Variants in NRP1 observed in about 807,000 individuals in gnomAD.
NRP1 encodes the protein neuropilin-1.
A neutral mutation model predicts 106.7 loss-of-function variants in NRP1; 35 were observed. The ratio of observed to expected loss-of-function variants is 0.33; its 90% CI spans 0.25 to 0.43. The LOEUF is 0.43. Among genes scored for constraint, NRP1 ranks in the 20% least tolerant of loss-of-function variants. The pLI is 1.00. For synonymous variants in NRP1, 437 were observed against 417.9 expected, an observed-to-expected ratio of 1.05 and a Z score of -0.56; for missense variants, 1,024 against 1,170.4, an observed-to-expected ratio of 0.87 and a Z score of 1.83.
intron 12 of NRP1, among the ~76,000 whole-genome samples, chr10:33,193,459 G>A (rs1006465700): frequency 2.0e-5 from 3 of 152,192 alleles, no homozygotes; most frequent in South Asian, 2.1e-4. Flanking sequence ...AACGAAGCCC[G>A]CAGATGCAGC....
chr10:33,325,730 T>G (rs1312854816), intron 2 of NRP1, among the ~76,000 whole-genome samples: 1 of 152,248 alleles, frequency 6.6e-6, no homozygotes, highest in African/African-American at 2.4e-5. Flanking sequence ...CATCTCTATT[T>G]GCTTATAATT....
At chr10:33,233,354 T>C (rs1190385727) in intron 6 of NRP1, among the ~76,000 whole-genome samples, 1 of 152,162 alleles carries the variant, frequency 6.6e-6, no homozygotes, top group Non-Finnish European at 1.5e-5. Context: ...GGCCATGGTA[T>C]TGTCTTAGTA....
chr10:33,279,241 G>A (rs1181874789), intron 2 of NRP1, among the ~76,000 whole-genome samples: 1 of 152,216 alleles, frequency 6.6e-6, no homozygotes, highest in Non-Finnish European at 1.5e-5. Context: ...CTACAGGTCA[G>A]AAGTCTGGGA....
chr10:33,254,679 A>G lies in NRP1; in HGVS notation c.815-485T>C, dbSNP rs548388876. 3.9e-5 allele frequency among the ~76,000 whole-genome samples: 6 copies of G among 152,336 alleles called. No individual in the cohort carries two copies. In the East Asian group the frequency reaches 9.6e-4, roughly 24 times the overall value. On this transcript the variant is annotated intron_variant, in intron 5 of 16. Coordinates refer to ENST00000374867, the MANE Select transcript of NRP1 (RefSeq NM_003873.7). ...AACTCCCTGTCTTTCAGATTCTACT[A>G]TTGGCACCCAGACCACCTCTTCCTG...
intron 16 of NRP1, among the ~76,000 whole-genome samples, chr10:33,181,821 C>T (rs1488957730): frequency 2.6e-5 from 4 of 152,176 alleles, no homozygotes; most frequent in Admixed American, 6.5e-5. Flanking sequence ...GTATGTAGGA[C>T]GGGTGCAGTG....
Position 33,180,364 on chromosome 10 carries a change from C to T in NRP1, c.2484G>A (p.Gly828=). Residue 828 remains glycine, a splice_region_variant and synonymous_variant, in exon 17 of 17, where the codon GGG becomes GGA. Coordinates refer to ENST00000374867, the MANE Select transcript of NRP1 (RefSeq NM_003873.7). ...CTTCACCTTCGTATCCTGGCGTGCT[C>T]CCTATGGAAAAAAACAATATTGTCT... ...KNPEIKIDET[G]STPGYEGEGE... 6.3e-7 allele frequency: 1 copy of T among 1,577,854 alleles called. No homozygotes were observed. The highest frequency in any genetic ancestry group is 1.2e-5 in the South Asian group (1 of 86,674).
At chr10:33,234,172 A>T (rs889847640) in intron 6 of NRP1, among the ~76,000 whole-genome samples, 2 of 152,202 alleles carry the variant, frequency 1.3e-5, no homozygotes, top group Non-Finnish European at 2.9e-5. Flanking sequence ...TAGGCATTTT[A>T]TGAAGGGTTA....
At chr10:33,235,354 A>T (rs756300415) in intron 6 of NRP1, among the ~76,000 whole-genome samples, 1 of 152,212 alleles carries the variant, frequency 6.6e-6, no homozygotes, top group South Asian at 2.1e-4. Context: ...ATAAAGATCA[A>T]ATGTGAAGGT....
chr10:33,304,643 T>C (rs1420083572), intron 2 of NRP1, among the ~76,000 whole-genome samples: 2 of 152,166 alleles, frequency 1.3e-5, no homozygotes, highest in Non-Finnish European at 2.9e-5. Context: ...TTATGTTCTC[T>C]GGGGGATGAA....
intron 11 of NRP1, chr10:33,201,933 G>A (rs1462606278): frequency 5.9e-5 from 9 of 152,100 alleles, no homozygotes; most frequent in African/African-American, 1.7e-4. Context: ...GATTTTGTAC[G>A]AATGCATTAG....
intron 2 of NRP1, among the ~76,000 whole-genome samples, chr10:33,290,153 C>A (rs577774423): frequency 2.0e-5 from 3 of 152,082 alleles, no homozygotes; most frequent in Non-Finnish European, 2.9e-5. Context: ...TATAGAATGC[C>A]TATATGTGAT....
intron 13 of NRP1, among the ~76,000 whole-genome samples, chr10:33,186,767 G>A (rs1836036738): frequency 6.6e-6 from 1 of 152,186 alleles, no homozygotes; most frequent in South Asian, 2.1e-4. Context: ...CACATGCTAT[G>A]CCTCAAGCTG....
chr10:33,223,584 C>T (rs922262065), intron 7 of NRP1, among the ~76,000 whole-genome samples: 6 of 152,128 alleles, frequency 3.9e-5, no homozygotes, highest in Admixed American at 2.0e-4. Context: ...GTTATGATTG[C>T]ACCACTGCAC....
chr10:33,281,920 C>G (rs1844164365), intron 2 of NRP1, among the ~76,000 whole-genome samples: 1 of 152,026 alleles, frequency 6.6e-6, no homozygotes, highest in African/African-American at 2.4e-5. Flanking sequence ...GTAGGTAGTC[C>G]AGGAAATTTA....
intron 4 of NRP1, among the ~76,000 whole-genome samples, chr10:33,258,755 T>C (rs1188341801): frequency 6.6e-6 from 1 of 152,192 alleles, no homozygotes; most frequent in Non-Finnish European, 1.5e-5. Context: ...TGCAACACTT[T>C]TTTTTTCTTA....
At chr10:33,241,332 T>C (rs1840998190) in intron 6 of NRP1, among the ~76,000 whole-genome samples, 1 of 152,156 alleles carries the variant, frequency 6.6e-6, no homozygotes, top group Non-Finnish European at 1.5e-5. Context: ...TCAAATTCTT[T>C]TCATGTTCCA....
At chr10:33,233,628 A>G (rs915471769) in intron 6 of NRP1, among the ~76,000 whole-genome samples, 3 of 152,222 alleles carry the variant, frequency 2.0e-5, no homozygotes, top group African/African-American at 7.2e-5. Context: ...TCAATAAATT[A>G]CTGCCCATTG....
chr10:33,319,776 C>T (rs373906211), intron 2 of NRP1, among the ~76,000 whole-genome samples: 20 of 150,844 alleles, frequency 1.3e-4, no homozygotes, highest in Non-Finnish European at 1.6e-4. Flanking sequence ...TTAGTGGAGA[C>T]GGGGTTTCAC....
In NRP1 at chr10:33,197,637, TTTTA is replaced by T; in HGVS notation, c.1924+9_1924+12del. ...TACATGGAATCTGTCACATTTCGTA[TTTTA>T]TTTGATACCTGATTGTATGGTGCTG... On this transcript the variant is annotated intron_variant, in intron 12 of 16. Transcript: ENST00000374867. 6.3e-7 allele frequency: 1 copy of T among 1,591,362 alleles called. No individual in the cohort carries two copies. The highest frequency in any genetic ancestry group is 1.3e-5 in the African/African-American group (1 of 74,470).
Sources: gnomAD v4.1 joint callset for allele counts (sites outside exome capture counted in the v4.1 genomes callset) on GRCh38, gnomAD v4.1.1 for gene constraint, MANE v1.5 for transcripts, NCBI Gene and HGNC (gene_info 2026-07-23, HGNC 2026-07-21) for gene names.